DNAH8: variants seen among roughly 807,000 people sequenced by gnomAD.
DNAH8 encodes the protein axonemal beta dynein heavy chain 8.
DNAH8 carries 382 observed loss-of-function variants against 562.1 expected under a neutral mutation model. The observed-to-expected ratio is 0.68, with a 90% CI of 0.63 to 0.74. The LOEUF (loss-of-function observed/expected upper bound fraction) is 0.74. Ranked by LOEUF, DNAH8 falls within the 30% of genes least tolerant of loss-of-function variation. The probability of loss-of-function intolerance (pLI) is 0.00; values close to 1 mark genes in which losing one functional copy is unlikely to be tolerated. For synonymous variants in DNAH8, 1,881 were observed against 1,919.4 expected (o/e 0.98, Z 0.52); for missense variants, 5,203 against 5,620.4 (o/e 0.93, Z 2.37).
Position 38,886,853 on chromosome 6 carries a change from T to G in DNAH8, c.8322T>G (p.Pro2774=), listed in dbSNP as rs1778960838. The change falls in exon 57 of 93, where the codon CCT becomes CCG. Residue 2774 remains proline, a synonymous_variant. Transcript: ENST00000327475. ...EMEGMYSLDK[P]GDFTTIVDVQ... ...AAGGAATGTACAGCTTGGACAAGCC[T>G]GGAGACTTCACTACTATTGTTGATG... The G allele has an allele frequency of 6.2e-7, 1 of 1,614,134 alleles. No individual in the cohort carries two copies.
intron 42 of DNAH8, among the ~76,000 whole-genome samples, chr6:38,858,092 G>GGCTGTTCGTCCAGTTGAT (rs1776346412): frequency 6.6e-6 from 1 of 152,162 alleles, no homozygotes; most frequent in South Asian, 2.1e-4. Flanking sequence ...GCACTCTCAC[G>GGCTGTTCGTCCAGTTGAT]GCTGTTCGTC....
At chr6:38,850,882 C>A (rs930023582) in intron 38 of DNAH8, among the ~76,000 whole-genome samples, 2 of 152,102 alleles carry the variant, frequency 1.3e-5, no homozygotes, top group Non-Finnish European at 2.9e-5. Context: ...TCACTGGATT[C>A]AGGGCTCTTC....
chr6:38,995,967 ATACT>A (rs1273648625), intron 88 of DNAH8, among the ~76,000 whole-genome samples: 1 of 152,214 alleles, frequency 6.6e-6, no homozygotes, highest in African/African-American at 2.4e-5. Context: ...TATGGTGGTT[ATACT>A]TACTTAATAC....
chr6:38,991,996 G>A (rs528752896), intron 88 of DNAH8, among the ~76,000 whole-genome samples: 16 of 150,670 alleles, frequency 1.1e-4, no homozygotes, highest in African/African-American at 3.7e-4. Context: ...ACGGAATTTC[G>A]CTCTTGTTGC....
At chr6:38,903,725 C>T (rs1327337368) in intron 62 of DNAH8, among the ~76,000 whole-genome samples, 2 of 150,570 alleles carry the variant, frequency 1.3e-5, no homozygotes, top group Non-Finnish European at 2.9e-5. Flanking sequence ...CAGTTATCTG[C>T]CTCAGCCTCC....
intron 11 of DNAH8, among the ~76,000 whole-genome samples, chr6:38,769,303 G>A (rs188659110): frequency 1.3e-5 from 2 of 152,254 alleles, no homozygotes; most frequent in Admixed American, 1.3e-4. Flanking sequence ...ACGTGCCATG[G>A]TGGTTTGCTG....
chr6:38,823,164 A>G, intron 27 of DNAH8, 130 bp downstream of exon 27: 1 of 717,332 alleles, frequency 1.4e-6, no homozygotes, highest in Non-Finnish European at 2.2e-6. Context: ...AATACCAAGC[A>G]CCTGTCACCT....
Position 38,834,629 on chromosome 6 carries a change from A to G in DNAH8, c.4353A>G (p.Leu1451=). The part of the protein sequence containing the change: ...NIPPQEASNR[L]QIFQASFDDL... The stretch of plus-strand genomic sequence containing the variant: ...CACCCCAAGAAGCTAGCAACAGGCT[A>G]CAGATATTTCAGGTGAAACCACATT... The change falls in exon 32 of 93, where the codon CTA becomes CTG. Residue 1451 remains leucine, a synonymous_variant. Transcript: ENST00000327475. 1 of 1,608,084 alleles carries G rather than the reference A, an allele frequency of 6.2e-7. No homozygotes were observed. Among genetic ancestry groups the G allele is most frequent in the Non-Finnish European group, 8.5e-7 (1 of 1,177,158 alleles).
intron 26 of DNAH8, among the ~76,000 whole-genome samples, chr6:38,818,282 G>A (rs1036098869): frequency 6.6e-6 from 1 of 151,780 alleles, no homozygotes; most frequent in Non-Finnish European, 1.5e-5. Context: ...TCTCTCCCTA[G>A]TCCATTCTAT....
chr6:38,917,299 ATGAGAATCATGGAC>A lies in DNAH8; in HGVS notation c.10204_10217del (p.Arg3402CysfsTer10). On this transcript the variant is annotated frameshift_variant, in exon 69 of 93. Transcript: ENST00000327475. LOFTEE classifies it high-confidence loss of function. ...ACTTGCAAAACCACCACATCTTATT[ATGAGAATCATGGAC>A]TGTGTTCTGTTACTATTTCAAAAGA... is the stretch of plus-strand genomic sequence containing the variant. The A allele has an allele frequency of 6.2e-7, 1 of 1,613,578 alleles. No individual in the cohort carries two copies. The highest frequency in any genetic ancestry group is 2.2e-5 in the East Asian group (1 of 44,848).
rs1782893695 is a variant in DNAH8, at chr6:38,935,658, C to T, written c.11524C>T (p.Leu3842Phe). The change falls in exon 77 of 93, where the codon CTT becomes TTT. Residue 3842 changes from leucine (L) to phenylalanine (F), a missense_variant. Physicochemically the swap from Leu to Phe is conservative, Grantham distance 22. This residue lies in a region of DNAH8 where 1,399 missense variants were observed against 1,518.4 expected (regional missense o/e 0.92). Transcript: ENST00000327475. The stretch of plus-strand genomic sequence containing the variant: ...TTTTAATAAGCGGAAGATGAAAGAA[C>T]TTGAAGATAACCTCCTCTATAAATT... The part of the protein sequence containing the change: ...VTFNKRKMKE[L>F]EDNLLYKLSA... The T allele has an allele frequency of 6.2e-7, 1 of 1,613,014 alleles. No individual in the cohort carries two copies. Among genetic ancestry groups the T allele is most frequent in the African/African-American group, 1.3e-5 (1 of 74,842 alleles).
intron 88 of DNAH8, among the ~76,000 whole-genome samples, chr6:39,002,289 C>G (rs1765541604): frequency 6.6e-6 from 1 of 152,154 alleles, no homozygotes; most frequent in African/African-American, 2.4e-5. Flanking sequence ...CATATTCTAT[C>G]TGTAGTGTAC....
At chr6:38,765,199 T>C (rs1766884350) in intron 11 of DNAH8, among the ~76,000 whole-genome samples, 1 of 152,226 alleles carries the variant, frequency 6.6e-6, no homozygotes, top group Non-Finnish European at 1.5e-5. Context: ...GAGTTCCTTA[T>C]ATATTTTGGG....
At chr6:38,956,616 G>A (rs1762261690) in intron 82 of DNAH8, among the ~76,000 whole-genome samples, 1 of 152,180 alleles carries the variant, frequency 6.6e-6, no homozygotes, top group African/African-American at 2.4e-5. Flanking sequence ...ACTGGGACAG[G>A]CTTCTGGGCT....
At chr6:38,874,102 CTCCT>C (rs1321420994) in intron 52 of DNAH8, among the ~76,000 whole-genome samples, 7 of 40,520 alleles carry the variant, frequency 1.7e-4, no homozygotes, top group African/African-American at 5.0e-4. Flanking sequence ...CTTTCTCTTT[CTCCT>C]TCCTTCCTTC....
At chr6:38,791,771 C>T (rs957558356) in intron 21 of DNAH8, 97 bp downstream of exon 21, 18 of 1,266,874 alleles carry the variant, frequency 1.4e-5, no homozygotes, top group Non-Finnish European at 1.8e-5. Flanking sequence ...GGGTCAGTAG[C>T]ATTTAGACTT....
chr6:38,850,832 T>G (rs1209475687), intron 38 of DNAH8, among the ~76,000 whole-genome samples: 1 of 152,204 alleles, frequency 6.6e-6, no homozygotes, highest in Non-Finnish European at 1.5e-5. Context: ...TCACTTGGCC[T>G]TCTTCTCCTC....
intron 24 of DNAH8, among the ~76,000 whole-genome samples, chr6:38,809,049 C>T (rs1483307993): frequency 6.6e-6 from 1 of 151,344 alleles, no homozygotes; most frequent in Admixed American, 6.6e-5. Flanking sequence ...TGTAACAAAC[C>T]TGCATGTTCT....
At chr6:38,807,832 AG>A in intron 24 of DNAH8, 116 bp downstream of exon 24, 1 of 456,490 alleles carries the variant, frequency 2.2e-6, no homozygotes. Flanking sequence ...ATTCATTAAA[AG>A]ACTGTATGAA....
Sources: gnomAD v4.1 joint callset for allele counts (sites outside exome capture counted in the v4.1 genomes callset) on GRCh38, gnomAD v4.1.1 for gene constraint, gnomAD v4.1.1 regional missense constraint, MANE v1.5 for transcripts, NCBI Gene and HGNC (gene_info 2026-07-23, HGNC 2026-07-21) for gene names.